The following IL1RAPL2 variants were observed in gnomAD, a reference collection of about 807,000 sequenced individuals.
IL1RAPL2 encodes the protein interleukin 1 receptor accessory protein like 2.
A neutral mutation model predicts 44.1 loss-of-function variants in IL1RAPL2; 3 were observed. The ratio of observed to expected loss-of-function variants is 0.07; its 90% CI spans 0.03 to 0.18. The LOEUF is 0.18. Ranked by LOEUF, IL1RAPL2 falls within the 10% of genes least tolerant of loss-of-function variation. The pLI is 1.00. For synonymous variants in IL1RAPL2, 181 were observed against 178.8 expected, an observed-to-expected ratio of 1.01 and a Z score of -0.10; for missense variants, 391 against 496.4, an observed-to-expected ratio of 0.79 and a Z score of 2.02.
intron 5 of IL1RAPL2, among the ~76,000 whole-genome samples, chrX:105,286,546 G>C (rs1442142131): frequency 9.5e-6 from 1 of 104,897 alleles, no homozygotes; most frequent in African/African-American, 3.4e-5. Flanking sequence ...AAAAAAATGA[G>C]AATCAGCTGA....
intron 3 of IL1RAPL2, 147 bp downstream of exon 3, chrX:105,195,895 C>A: frequency 1.9e-6 from 1 of 530,665 alleles, no homozygotes; most frequent in South Asian, 3.1e-5. Flanking sequence ...AATTCCAGTT[C>A]TAATTATCTA....
At chrX:104,977,899 C>T (rs1461760590) in intron 2 of IL1RAPL2, among the ~76,000 whole-genome samples, 1 of 112,189 alleles carries the variant, frequency 8.9e-6, no homozygotes, top group Non-Finnish European at 1.9e-5. Flanking sequence ...GAGGTGATAT[C>T]TTCCAGCTCA....
rs562261376 is a variant in IL1RAPL2, at chrX:105,083,500, C to A, written c.83-111975C>A. On this transcript the variant is annotated intron_variant, in intron 2 of 10. Coordinates refer to ENST00000372582, the MANE Select transcript of IL1RAPL2 (RefSeq NM_017416.2). Reference sequence around the variant, plus strand: ...ATCTACTTTGTCAAGTAGAGCGACCCCAAGACACATAATTATCAGATTCCC... The same window carrying A: ...ATCTACTTTGTCAAGTAGAGCGACCACAAGACACATAATTATCAGATTCCC... Among the ~76,000 whole-genome samples, 8 of 110,448 alleles carry A rather than the reference C, an allele frequency of 7.2e-5. No individual in the cohort carries two copies. In the South Asian group the frequency reaches 3.2e-3, roughly 44 times the overall value.
chrX:104,955,202 G>A (rs1208368853), intron 2 of IL1RAPL2, among the ~76,000 whole-genome samples: 1 of 111,176 alleles, frequency 9.0e-6, no homozygotes, highest in Non-Finnish European at 1.9e-5. Context: ...CTGCCTCTTA[G>A]CCAGAGATTC....
At chrX:104,747,288 A>C (rs565341861) in intron 2 of IL1RAPL2, among the ~76,000 whole-genome samples, 8 of 111,155 alleles carry the variant, frequency 7.2e-5, no homozygotes, top group Middle Eastern at 4.7e-3. Flanking sequence ...TTCCTGTAAC[A>C]TTCTCTGTCT....
intron 2 of IL1RAPL2, among the ~76,000 whole-genome samples, chrX:105,179,971 C>CT (rs1305516986): frequency 2.4e-4 from 26 of 106,607 alleles, no homozygotes; most frequent in African/African-American, 4.8e-4. Flanking sequence ...ATTTGGATGT[C>CT]TTTTTTTTTT....
At chrX:105,079,486 T>C (rs1311106757) in intron 2 of IL1RAPL2, among the ~76,000 whole-genome samples, 1 of 109,892 alleles carries the variant, frequency 9.1e-6, no homozygotes, top group African/African-American at 3.3e-5. Context: ...TTGCTGAGAA[T>C]GATGGTTTCC....
chrX:105,138,181 G>A (rs1322345449), intron 2 of IL1RAPL2, among the ~76,000 whole-genome samples: 1 of 111,566 alleles, frequency 9.0e-6, no homozygotes, highest in Non-Finnish European at 1.9e-5. Flanking sequence ...TTGGTCAGAT[G>A]ACAGCCACTA....
intron 3 of IL1RAPL2, among the ~76,000 whole-genome samples, chrX:105,212,354 G>A (rs905014897): frequency 8.9e-6 from 1 of 112,105 alleles, no homozygotes; most frequent in Non-Finnish European, 1.9e-5. Flanking sequence ...GGGAGGTATG[G>A]ACTGGGTGAA....
intron 2 of IL1RAPL2, among the ~76,000 whole-genome samples, chrX:105,067,774 C>G (rs2032155790): frequency 8.9e-6 from 1 of 111,922 alleles, no homozygotes; most frequent in Non-Finnish European, 1.9e-5. Flanking sequence ...CCTGCAGAGA[C>G]ACACACGCGT....
At chrX:105,558,644 A>G (rs781613675) in intron 6 of IL1RAPL2, among the ~76,000 whole-genome samples, 1 of 112,504 alleles carries the variant, frequency 8.9e-6, no homozygotes, top group South Asian at 3.6e-4. Flanking sequence ...ATGATTTTCC[A>G]GAAAGTGACC....
chrX:105,624,031 T>G (rs1450803785), intron 6 of IL1RAPL2, among the ~76,000 whole-genome samples: 1 of 111,060 alleles, frequency 9.0e-6, no homozygotes, highest in Non-Finnish European at 1.9e-5. Flanking sequence ...AAAGGGTGAA[T>G]TGAAGTTAGC....
chrX:104,966,576 C>G (rs2030128522), intron 2 of IL1RAPL2, among the ~76,000 whole-genome samples: 1 of 111,910 alleles, frequency 8.9e-6, no homozygotes, highest in African/African-American at 3.2e-5. Flanking sequence ...CTTAACAATA[C>G]AGTCTCAAAA....
chrX:104,896,234 G>A (rs953666305), intron 2 of IL1RAPL2, among the ~76,000 whole-genome samples: 1 of 111,849 alleles, frequency 8.9e-6, no homozygotes, highest in Non-Finnish European at 1.9e-5. Context: ...TAACCTCCTT[G>A]TCAAATTTGT....
chrX:104,591,530 T>C (rs1442129474), intron 1 of IL1RAPL2, among the ~76,000 whole-genome samples: 2 of 111,363 alleles, frequency 1.8e-5, no homozygotes, highest in Non-Finnish European at 3.8e-5. Flanking sequence ...AGTGACAGTT[T>C]GCAGTCATGA....
intron 2 of IL1RAPL2, among the ~76,000 whole-genome samples, chrX:104,883,036 C>A (rs934755992): frequency 1.8e-5 from 2 of 111,407 alleles, no homozygotes; most frequent in East Asian, 5.7e-4. Context: ...GAACAAACTC[C>A]GGACACACCA....
chrX:105,138,148 A>T (rs1482485881), intron 2 of IL1RAPL2, among the ~76,000 whole-genome samples: 1 of 111,568 alleles, frequency 9.0e-6, no homozygotes, highest in Non-Finnish European at 1.9e-5. Flanking sequence ...TTATTGAATT[A>T]AAAGGAAGCT....
intron 2 of IL1RAPL2, among the ~76,000 whole-genome samples, chrX:104,864,937 G>C (rs893458988): frequency 3.6e-5 from 4 of 111,307 alleles, no homozygotes; most frequent in African/African-American, 1.3e-4. Flanking sequence ...ATGGAGGTCA[G>C]GTAATTAATT....
intron 2 of IL1RAPL2, among the ~76,000 whole-genome samples, chrX:105,173,704 T>A (rs2033445683): frequency 9.1e-6 from 1 of 110,440 alleles, no homozygotes; most frequent in Non-Finnish European, 1.9e-5. Flanking sequence ...TGAGGTGTTA[T>A]ACCTAGAGTT....
Sources: allele counts gnomAD v4.1 joint callset (sites outside exome capture counted in the v4.1 genomes callset), GRCh38; gene constraint gnomAD v4.1.1; transcripts MANE v1.5; gene names NCBI Gene and HGNC (gene_info 2026-07-23, HGNC 2026-07-21).